PIK3AP1: variants seen among roughly 807,000 people sequenced by gnomAD.
PIK3AP1 encodes phosphoinositide 3-kinase adapter protein 1.
In PIK3AP1, 21 loss-of-function variants were observed where a neutral mutation model predicts 88.1. The ratio of observed to expected loss-of-function variants is 0.24; its 90% CI spans 0.17 to 0.34. PIK3AP1 has a LOEUF of 0.34. Ranked by LOEUF, PIK3AP1 falls within the 10% of genes least tolerant of loss-of-function variation. The probability of loss-of-function intolerance (pLI) is 1.00; values close to 1 mark genes in which losing one functional copy is unlikely to be tolerated. For synonymous variants in PIK3AP1, 398 were observed against 400.0 expected (o/e 1.00, Z 0.06); for missense variants, 828 against 1,035.7 (o/e 0.80, Z 2.75).
intron 1 of PIK3AP1, among the ~76,000 whole-genome samples, chr10:96,716,351 A>C (rs373014374): frequency 1.4e-4 from 21 of 152,308 alleles, no homozygotes; most frequent in African/African-American, 4.6e-4. Flanking sequence ...TGTTAAATTC[A>C]ATTCCCTTTG....
rs118090258 is a variant in PIK3AP1, at chr10:96,596,931, C to A, written c.2361-1297G>T. ...CAAAGAGTAAATATGTACTAAATGT[C>A]TCTTGAATGCAAGGTTTGTATAGGT... On this transcript the variant is annotated intron_variant, in intron 16 of 16. Coordinates refer to ENST00000339364, the MANE Select transcript of PIK3AP1 (RefSeq NM_152309.3). 6.3e-4 allele frequency among the ~76,000 whole-genome samples: 96 copies of A among 152,318 alleles called. 1 individual carries two copies. The East Asian group carries it at 0.015, about 23-fold the overall frequency.
At position 96,595,505 on chromosome 10, in the gene PIK3AP1, T is replaced by C; in HGVS notation, c.*72A>G. The C allele has an allele frequency of 6.9e-7, 1 of 1,452,120 alleles. No homozygotes were observed. 90.0% of individuals were successfully genotyped at this position (1,452,120 alleles called of 1,614,324 possible). A position where few individuals can be genotyped will look rare whatever the true frequency, so the allele number is the denominator to read the frequency against. ...AACAGTCATGCTATAAAACTCAACATGAAGACATCATTAACAGGCTGAAGA... is the reference window on the plus strand; with the variant it reads ...AACAGTCATGCTATAAAACTCAACACGAAGACATCATTAACAGGCTGAAGA... On this transcript the variant is annotated 3_prime_UTR_variant, in exon 17 of 17. Transcript: ENST00000339364.
At chr10:96,685,579 A>T (rs956766600) in intron 2 of PIK3AP1, among the ~76,000 whole-genome samples, 1 of 152,156 alleles carries the variant, frequency 6.6e-6, no homozygotes, top group African/African-American at 2.4e-5. Context: ...CGAGGTGTGC[A>T]TTTTCACTGC....
Position 96,616,687 on chromosome 10 carries a change from T to A in PIK3AP1, c.1966A>T (p.Ser656Cys), listed in dbSNP as rs1364379895. The part of the protein sequence containing the change: ...QQENLKRLRD[S>C]ITRRQREKQK... ...TTCTCTCTCTGTCTTCGGGTGATGC[T>A]GTCTCTTAGCCGTTTAAGATTTTCC... The change falls in exon 13 of 17, where the codon AGC becomes TGC. Residue 656 changes from serine (S) to cysteine (C), a missense_variant. Ser to Cys is a moderately radical substitution (Grantham distance 112, BLOSUM62 -1). Around this residue, in one of 3 missense-constraint regions of PIK3AP1, gnomAD observed 191 missense variants for 208.6 expected, o/e 0.92. Transcript: ENST00000339364. 1.9e-6 allele frequency: 3 copies of A among 1,614,246 alleles called. No individual in the cohort carries two copies. The highest frequency in any genetic ancestry group is 2.5e-6 in the Non-Finnish European group (3 of 1,180,036).
At chr10:96,648,058 G>T (rs958464733) in intron 7 of PIK3AP1, among the ~76,000 whole-genome samples, 7 of 152,210 alleles carry the variant, frequency 4.6e-5, no homozygotes, top group Non-Finnish European at 1.0e-4. Flanking sequence ...ACCCAGGCAG[G>T]GGGTTAGAAA....
At chr10:96,710,020 C>G in intron 1 of PIK3AP1, 37 bp from the exon 2 acceptor site, 5 of 1,536,340 alleles carry the variant, frequency 3.3e-6, no homozygotes, top group Non-Finnish European at 4.4e-6. Flanking sequence ...TGTTAGCACA[C>G]CTCCCCTTCT....
At chr10:96,628,328 G>A in intron 9 of PIK3AP1, 70 bp downstream of exon 9, 2 of 1,330,780 alleles carry the variant, frequency 1.5e-6, no homozygotes, top group South Asian at 2.3e-5. Context: ...CCCTCATAGA[G>A]AACCAGACAA....
chr10:96,659,700 C>CAAA (rs1198781319), intron 2 of PIK3AP1, among the ~76,000 whole-genome samples: 1 of 100,944 alleles, frequency 9.9e-6, no homozygotes, highest in African/African-American at 3.7e-5. Flanking sequence ...CTGTCTCTAC[C>CAAA]AAAAAAAAAA....
chr10:96,647,583 C>CA (rs1394279004), intron 7 of PIK3AP1, among the ~76,000 whole-genome samples: 2 of 151,528 alleles, frequency 1.3e-5, no homozygotes, highest in Non-Finnish European at 2.9e-5. Flanking sequence ...CAGTGACGCC[C>CA]AAAAAAAAGG....
chr10:96,626,428 A>G (rs1277679663), intron 10 of PIK3AP1, among the ~76,000 whole-genome samples: 2 of 152,254 alleles, frequency 1.3e-5, no homozygotes, highest in African/African-American at 4.8e-5. Context: ...TAATAATATC[A>G]AGAAGGGTTT....
At chr10:96,633,265 A>C (rs2134214758) in intron 8 of PIK3AP1, 1 of 509,802 alleles carries the variant, frequency 2.0e-6, no homozygotes. Context: ...TGTTGCCTGG[A>C]AACATAGTTG....
intron 1 of PIK3AP1, among the ~76,000 whole-genome samples, chr10:96,712,437 C>T (rs1239295612): frequency 6.6e-6 from 1 of 152,102 alleles, no homozygotes; most frequent in Non-Finnish European, 1.5e-5. Flanking sequence ...AGTTAATGCA[C>T]CAGTGCTGCA....
At chr10:96,700,688 C>T in intron 2 of PIK3AP1, 1 of 483,616 alleles carries the variant, frequency 2.1e-6, no homozygotes, top group African/African-American at 2.1e-5. Context: ...AGCCCACAGG[C>T]ACAAGGCACC....
intron 4 of PIK3AP1, 24 bp downstream of exon 4, chr10:96,652,674 T>C (rs1470074656): frequency 1.2e-6 from 2 of 1,611,950 alleles, no homozygotes; most frequent in African/African-American, 1.3e-5. Context: ...CCCTATGTCA[T>C]CACATTCACA....
chr10:96,708,680 G>A (rs1477500718), intron 2 of PIK3AP1, among the ~76,000 whole-genome samples: 1 of 150,250 alleles, frequency 6.7e-6, no homozygotes, highest in African/African-American at 2.4e-5. Flanking sequence ...CTGTTAATCA[G>A]AGTGTGTGTC....
intron 11 of PIK3AP1, 110 bp downstream of exon 11, chr10:96,623,362 C>T: frequency 9.1e-7 from 1 of 1,100,664 alleles, no homozygotes; most frequent in Non-Finnish European, 1.3e-6. Context: ...GATGCCTGGC[C>T]TAGATCCCTC....
At chr10:96,688,287 G>A (rs891166275) in intron 2 of PIK3AP1, among the ~76,000 whole-genome samples, 13 of 152,134 alleles carry the variant, frequency 8.5e-5, no homozygotes, top group African/African-American at 3.1e-4. Flanking sequence ...AATAGTGATA[G>A]TAAAGGGGGT....
chr10:96,647,351 C>A (rs994873043), intron 7 of PIK3AP1, among the ~76,000 whole-genome samples: 2 of 152,272 alleles, frequency 1.3e-5, no homozygotes, highest in Admixed American at 6.5e-5. Context: ...GTAAGGCTTG[C>A]AATACTGTCA....
chr10:96,602,669 C>G (rs1431179270), intron 15 of PIK3AP1, among the ~76,000 whole-genome samples: 2 of 152,194 alleles, frequency 1.3e-5, no homozygotes, highest in Non-Finnish European at 2.9e-5. Context: ...CGGTCAGCAT[C>G]AGCATCAGGT....
Sources: allele counts gnomAD v4.1 joint callset (sites outside exome capture counted in the v4.1 genomes callset), GRCh38; gene constraint gnomAD v4.1.1; regional missense constraint gnomAD v4.1.1; transcripts MANE v1.5; gene names NCBI Gene and HGNC (gene_info 2026-07-23, HGNC 2026-07-21).